Variants in KCNIP1 observed in about 807,000 individuals in gnomAD.
The protein encoded by KCNIP1 is potassium voltage-gated channel interacting protein 1.
KCNIP1 carries 18 observed loss-of-function variants against 33.0 expected under a neutral mutation model. That is an observed-to-expected ratio of 0.55 (90% CI 0.38 to 0.81). KCNIP1 has a LOEUF of 0.81. KCNIP1 is among the 30% of genes least tolerant of loss of function. The pLI is 0.00. For synonymous variants in KCNIP1, 93 were observed against 98.3 expected (o/e 0.95, Z 0.32); for missense variants, 238 against 271.6 (o/e 0.88, Z 0.87).
chr5:170,384,960 C>T (rs954358698), intron 1 of KCNIP1, among the ~76,000 whole-genome samples: 15 of 152,220 alleles, frequency 9.9e-5, no homozygotes, highest in African/African-American at 3.6e-4. Flanking sequence ...GAGAATTATG[C>T]AGCTGAGCTG....
chr5:170,440,843 G>A (rs983904904), intron 1 of KCNIP1, among the ~76,000 whole-genome samples: 6 of 152,148 alleles, frequency 3.9e-5, no homozygotes, highest in African/African-American at 1.4e-4. Context: ...TGGAAAAGTG[G>A]AGGGTATGTC....
intron 1 of KCNIP1, among the ~76,000 whole-genome samples, chr5:170,437,424 G>T (rs1755891306): frequency 6.6e-6 from 1 of 152,142 alleles, no homozygotes; most frequent in Non-Finnish European, 1.5e-5. Flanking sequence ...TCACTCAACG[G>T]CCATGAATGT....
intron 1 of KCNIP1, among the ~76,000 whole-genome samples, chr5:170,663,597 C>T (rs1460644081): frequency 6.6e-6 from 1 of 152,140 alleles, no homozygotes; most frequent in African/African-American, 2.4e-5. Context: ...ACTAAATTCA[C>T]CCTTAGGTCA....
intron 1 of KCNIP1, among the ~76,000 whole-genome samples, chr5:170,687,255 C>T (rs896704738): frequency 1.3e-5 from 2 of 150,770 alleles, no homozygotes; most frequent in Non-Finnish European, 2.9e-5. Flanking sequence ...GATTTCTGCT[C>T]ACTGCAACCT....
intron 1 of KCNIP1, among the ~76,000 whole-genome samples, chr5:170,445,690 C>T (rs1028909598): frequency 6.6e-6 from 1 of 152,166 alleles, no homozygotes; most frequent in Non-Finnish European, 1.5e-5. Flanking sequence ...ACATAGTCAG[C>T]CTTCCCGAAT....
intron 1 of KCNIP1, among the ~76,000 whole-genome samples, chr5:170,676,563 A>T (rs537926522): frequency 6.6e-6 from 1 of 152,246 alleles, no homozygotes; most frequent in Non-Finnish European, 1.5e-5. Context: ...TACCGACTGC[A>T]GCAGAACATT....
At chr5:170,532,652 T>A (rs946749198) in intron 1 of KCNIP1, among the ~76,000 whole-genome samples, 1 of 152,158 alleles carries the variant, frequency 6.6e-6, no homozygotes, top group Non-Finnish European at 1.5e-5. Context: ...TTGTAGCCAT[T>A]GTGGTGCCAT....
At position 170,576,556 on chromosome 5, in the gene KCNIP1, A is replaced by G. The variant is rs558217450; in HGVS notation, c.61+71923A>G. Among the ~76,000 whole-genome samples, 15 of 152,320 alleles carry G rather than the reference A, an allele frequency of 9.8e-5. No individual in the cohort carries two copies. In the South Asian group the frequency reaches 2.3e-3, roughly 23 times the overall value. On this transcript the variant is annotated intron_variant, in intron 1 of 7. Coordinates refer to ENST00000328939, the MANE Select transcript of KCNIP1 (RefSeq NM_014592.4). Reference sequence around the variant, plus strand: ...TAGCAAATACAACTGGACATACCCAATGCAAGCACAGGATTGATCCTCCAC... The same window carrying G: ...TAGCAAATACAACTGGACATACCCAGTGCAAGCACAGGATTGATCCTCCAC...
intron 1 of KCNIP1, among the ~76,000 whole-genome samples, chr5:170,493,954 G>A (rs1757258628): frequency 6.6e-6 from 1 of 152,224 alleles, no homozygotes; most frequent in Admixed American, 6.5e-5. Context: ...TGCCATCGCA[G>A]GACAGGTGGG....
At chr5:170,623,198 G>A (rs1759675031) in intron 1 of KCNIP1, among the ~76,000 whole-genome samples, 1 of 147,554 alleles carries the variant, frequency 6.8e-6, no homozygotes, top group African/African-American at 2.5e-5. Context: ...CCAGGGGATT[G>A]GCGACCCCTG....
chr5:170,395,341 A>G (rs1754731330), intron 1 of KCNIP1, among the ~76,000 whole-genome samples: 1 of 152,134 alleles, frequency 6.6e-6, no homozygotes, highest in African/African-American at 2.4e-5. Context: ...CATTTCTCTG[A>G]TGATTAGTGA....
intron 1 of KCNIP1, among the ~76,000 whole-genome samples, chr5:170,480,507 C>T (rs928430444): frequency 9.6e-5 from 14 of 145,338 alleles, no homozygotes; most frequent in African/African-American, 3.5e-4. Context: ...GACAAAGTCT[C>T]GCTCTATCAC....
At chr5:170,575,231 G>C (rs186304260) in intron 1 of KCNIP1, among the ~76,000 whole-genome samples, 124 of 152,260 alleles carry the variant, frequency 8.1e-4, no homozygotes, top group African/African-American at 2.8e-3. Context: ...CAGTTTTATA[G>C]CTGAATAAGA....
At chr5:170,647,020 A>G (rs1760812509) in intron 1 of KCNIP1, among the ~76,000 whole-genome samples, 1 of 152,210 alleles carries the variant, frequency 6.6e-6, no homozygotes, top group Non-Finnish European at 1.5e-5. Flanking sequence ...AAAATGAAAT[A>G]CTTATAATCT....
Position 170,504,630 on chromosome 5 carries a change from A to G in KCNIP1, c.58A>G (p.Lys20Glu). The G allele has an allele frequency of 6.2e-7, 1 of 1,613,294 alleles. No homozygotes were observed. The highest frequency in any genetic ancestry group is 8.5e-7 in the Non-Finnish European group (1 of 1,179,488). Residue 20 changes from lysine to glutamate, a missense_variant, in exon 1 of 8, where the codon AAA becomes GAA. By Grantham distance (56) the Lys-to-Glu change is moderately conservative (BLOSUM62 1). Coordinates refer to ENST00000328939, the MANE Select transcript of KCNIP1 (RefSeq NM_014592.4). This position sits in a 1 kb window ranked among gnomAD's most constrained non-coding sequence, Gnocchi z 6.0. The part of the protein sequence containing the change: ...SLQTKQRRPS[K>E]DKIEDELEMT... ...GCAAACCAAACAAAGGCGACCCTCG[A>G]AAGGTAAGCCACCTTCTTCCTTTTG...
chr5:170,444,695 T>TC, intron 1 of KCNIP1, among the ~76,000 whole-genome samples: 1 of 142,296 alleles, frequency 7.0e-6, no homozygotes, highest in African/African-American at 2.6e-5. Context: ...ATTTTTTCTT[T>TC]TTTTAAAAAA....
Position 170,620,915 on chromosome 5 carries a change from T to C in KCNIP1, c.62-97843T>C, listed in dbSNP as rs188135021. 2.0e-5 allele frequency among the ~76,000 whole-genome samples: 3 copies of C among 152,294 alleles called. No homozygotes were observed. In the East Asian group the frequency reaches 5.8e-4, roughly 29 times the overall value. On this transcript the variant is annotated intron_variant, in intron 1 of 7. Transcript: ENST00000328939. ...GCAGGTATCCTCTTGACTGACAGCC[T>C]GTATGCTCTGCTTCCAGGATCCTTC... is the stretch of plus-strand genomic sequence containing the variant.
chr5:170,689,092 G>A (rs1450719188), intron 1 of KCNIP1, among the ~76,000 whole-genome samples: 1 of 152,154 alleles, frequency 6.6e-6, no homozygotes, highest in Non-Finnish European at 1.5e-5. Context: ...GAAGATTAGG[G>A]GAATCAAGCT....
At chr5:170,629,216 G>T (rs1275020358) in intron 1 of KCNIP1, among the ~76,000 whole-genome samples, 1 of 152,220 alleles carries the variant, frequency 6.6e-6, no homozygotes, top group Admixed American at 6.5e-5. Flanking sequence ...AGATGTAGGG[G>T]GCTGTAAGGG....
Sources: allele counts gnomAD v4.1 joint callset (sites outside exome capture counted in the v4.1 genomes callset), GRCh38; gene constraint gnomAD v4.1.1; non-coding constraint Gnocchi (gnomAD v3.1); transcripts MANE v1.5; gene names NCBI Gene and HGNC (gene_info 2026-07-23, HGNC 2026-07-21).